The following PDE1A variants were observed in gnomAD, a reference collection of about 807,000 sequenced individuals.
The protein encoded by PDE1A is phosphodiesterase 1A.
Under a neutral mutation model 61.7 loss-of-function variants are expected in PDE1A, and 35 were observed. That is an observed-to-expected ratio of 0.57 (90% confidence interval 0.43 to 0.75). The LOEUF is 0.75. PDE1A is among the 30% of genes least tolerant of loss of function. The pLI is 0.00. For synonymous variants in PDE1A, 232 were observed against 213.2 expected (o/e 1.09, Z -0.77); for missense variants, 597 against 630.6 (o/e 0.95, Z 0.57).
chr2:182,627,528 G>T, the PDE1A span, among the ~76,000 whole-genome samples: 1 of 148,854 alleles, frequency 6.7e-6, no homozygotes, highest in Non-Finnish European at 1.5e-5. Context: ...AGCTTTTCAA[G>T]TTTGATTAGC....
At chr2:182,686,753 A>G in the PDE1A span, among the ~76,000 whole-genome samples, 1 of 152,228 alleles carries the variant, frequency 6.6e-6, no homozygotes, top group Non-Finnish European at 1.5e-5. Flanking sequence ...CGGGAAACGC[A>G]AGGGCTCAGG....
At chr2:182,635,890 C>T in the PDE1A span, among the ~76,000 whole-genome samples, 1 of 150,744 alleles carries the variant, frequency 6.6e-6, no homozygotes, top group South Asian at 2.1e-4. Context: ...TCCCACTGCT[C>T]TGAGTCCTTA....
At chr2:182,387,906 TA>T (rs1301255789) in intron 1 of PDE1A, among the ~76,000 whole-genome samples, 1 of 152,038 alleles carries the variant, frequency 6.6e-6, no homozygotes, top group Non-Finnish European at 1.5e-5. Flanking sequence ...GTTGAATGGA[TA>T]AAAAAAGACC....
At chr2:182,194,161 A>AT (rs1234388066) in intron 10 of PDE1A, among the ~76,000 whole-genome samples, 1 of 152,050 alleles carries the variant, frequency 6.6e-6, no homozygotes, top group East Asian at 1.9e-4. Context: ...TCAAATATAG[A>AT]TTTTTTTCAT....
chr2:182,246,401 C>CTTTTTTTTT lies in PDE1A; in HGVS notation c.168-6110_168-6109insAAAAAAAAA, dbSNP rs761118177. ...TCTACTATAGTCTTTTTTCTTTTTTCTTTCTTTTTTTTTTTTTTTTTTGAC... is the reference window on the plus strand; with the variant it reads ...TCTACTATAGTCTTTTTTCTTTTTTCTTTTTTTTTTTTCTTTTTTTTTTTTTTTTTTGAC... On this transcript the variant is annotated intron_variant, in intron 2 of 13. Transcript: ENST00000351439. Among the ~76,000 whole-genome samples the CTTTTTTTTT allele has an allele frequency of 1.5e-4, 9 of 61,514 alleles. 1 individual carries two copies. The highest frequency in any genetic ancestry group is 1.6e-4 in the Admixed American group (1 of 6,112). 40.4% of individuals were successfully genotyped at this position (61,514 alleles called of 152,430 possible).
intron 2 of PDE1A, among the ~76,000 whole-genome samples, chr2:182,511,796 GAAC>G (rs1483279517): frequency 7.2e-5 from 11 of 152,160 alleles, no homozygotes; most frequent in Non-Finnish European, 2.9e-5. Context: ...CACAGATACT[GAAC>G]TGGGGTGCTT....
intron 2 of PDE1A, among the ~76,000 whole-genome samples, chr2:182,454,337 C>T (rs1264341723): frequency 1.7e-4 from 26 of 152,180 alleles, no homozygotes; most frequent in East Asian, 1.9e-4. Context: ...AAAATGGCCA[C>T]ACTGCCCAAG....
At chr2:182,455,521 T>C (rs9752179) in intron 2 of PDE1A, among the ~76,000 whole-genome samples, 100,780 of 151,910 alleles carry the variant, frequency 0.66, 33,671 homozygotes, top group East Asian at 0.91. Context: ...TGTCCAACAA[T>C]GATAGACTGG....
chr2:182,625,640 C>T, the PDE1A span, among the ~76,000 whole-genome samples: 1 of 152,278 alleles, frequency 6.6e-6, no homozygotes, highest in South Asian at 2.1e-4. Context: ...TCTAAATTTC[C>T]TTTCAGGTTT....
the PDE1A span, among the ~76,000 whole-genome samples, chr2:182,694,040 T>C: frequency 6.6e-6 from 1 of 152,238 alleles, no homozygotes; most frequent in African/African-American, 2.4e-5. Context: ...TTTGGTATTA[T>C]ATCTAAATAT....
chr2:182,645,150 T>C, the PDE1A span, among the ~76,000 whole-genome samples: 2 of 152,080 alleles, frequency 1.3e-5, no homozygotes, highest in Non-Finnish European at 2.9e-5. Flanking sequence ...CACACCCAGC[T>C]AATTTTTTGT....
At chr2:182,293,591 G>A (rs572205627) in intron 1 of PDE1A, among the ~76,000 whole-genome samples, 22 of 152,132 alleles carry the variant, frequency 1.4e-4, no homozygotes, top group Non-Finnish European at 2.2e-4. Flanking sequence ...CCCCTCATTC[G>A]TGGGGAATGT....
the PDE1A span, among the ~76,000 whole-genome samples, chr2:182,615,399 A>G: frequency 6.6e-6 from 1 of 152,318 alleles, no homozygotes; most frequent in Admixed American, 6.5e-5. Flanking sequence ...GTAGTTATTT[A>G]TATCTTATTA....
intron 10 of PDE1A, among the ~76,000 whole-genome samples, chr2:182,197,349 A>G (rs1686216786): frequency 7.0e-6 from 1 of 142,418 alleles, no homozygotes; most frequent in Admixed American, 6.8e-5. Context: ...CTCTCAGTCT[A>G]TGGTTTGCAT....
intron 1 of PDE1A, among the ~76,000 whole-genome samples, chr2:182,363,260 G>A (rs1361829928): frequency 6.6e-6 from 1 of 151,948 alleles, no homozygotes; most frequent in Non-Finnish European, 1.5e-5. Context: ...TTAACATTTA[G>A]TAACTAATAA....
At chr2:182,551,974 A>G in the PDE1A span, among the ~76,000 whole-genome samples, 1 of 152,178 alleles carries the variant, frequency 6.6e-6, no homozygotes, top group East Asian at 1.9e-4. Flanking sequence ...CTCTGGATGA[A>G]CAGATAAAGT....
At chr2:182,351,227 C>T (rs1254480206) in intron 1 of PDE1A, among the ~76,000 whole-genome samples, 2 of 152,210 alleles carry the variant, frequency 1.3e-5, no homozygotes, top group East Asian at 1.9e-4. Flanking sequence ...TAGTTCATTG[C>T]TTCTACAGCT....
chr2:182,609,323 G>A, the PDE1A span, among the ~76,000 whole-genome samples: 8 of 152,358 alleles, frequency 5.3e-5, no homozygotes, highest in African/African-American at 1.4e-4. Flanking sequence ...AGCAGGATGT[G>A]CGTGGCACCA....
chr2:182,347,418 G>T (rs1157467842), intron 1 of PDE1A, among the ~76,000 whole-genome samples: 1 of 152,070 alleles, frequency 6.6e-6, no homozygotes, highest in African/African-American at 2.4e-5. Context: ...CTATGTTTCT[G>T]TATAACTCAT....
Sources: gnomAD v4.1 joint callset for allele counts (sites outside exome capture counted in the v4.1 genomes callset) on GRCh38, gnomAD v4.1.1 for gene constraint, MANE v1.5 for transcripts, NCBI Gene and HGNC (gene_info 2026-07-23, HGNC 2026-07-21) for gene names.